ZNF69: variants seen among roughly 807,000 people sequenced by gnomAD.
ZNF69 encodes zinc finger protein 69.
A neutral mutation model predicts 50.9 loss-of-function variants in ZNF69; 47 were observed. The observed-to-expected ratio is 0.92, with a 90% CI of 0.73 to 1.18. The LOEUF is 1.18. Among genes scored for constraint, ZNF69 ranks in the 50% most tolerant of loss-of-function variants. The pLI is 0.00. For synonymous variants in ZNF69, 216 were observed against 223.1 expected, an observed-to-expected ratio of 0.97 and a Z score of 0.29; for missense variants, 717 against 675.1, an observed-to-expected ratio of 1.06 and a Z score of -0.69.
the ZNF69 span, among the ~76,000 whole-genome samples, chr19:11,924,066 G>C: frequency 6.6e-6 from 1 of 152,208 alleles, no homozygotes; most frequent in Non-Finnish European, 1.5e-5. Context: ...TGTACCTCTG[G>C]AGCTGTCTTC....
the ZNF69 span, among the ~76,000 whole-genome samples, chr19:11,919,598 A>G: frequency 1.4e-4 from 22 of 152,244 alleles, no homozygotes; most frequent in Middle Eastern, 3.4e-3. Flanking sequence ...TCTCAAAAAC[A>G]AAACTTATAC....
Position 11,905,944 on chromosome 19 carries a change from G to A in ZNF69, c.1547G>A (p.Ser516Asn), listed in dbSNP as rs1366421848. ...TGCAAGCAATGTGGTGAAGCCTTCAGTAGTTCCAGTTCCTTTCGATACCAT... is the reference window on the plus strand; with the variant it reads ...TGCAAGCAATGTGGTGAAGCCTTCAATAGTTCCAGTTCCTTTCGATACCAT... ...YECKQCGEAF[S>N]SSSSFRYHER... The change falls in exon 4 of 4, where the codon AGT (serine) becomes AAT (asparagine). Residue 516 changes from serine (S) to asparagine (N), a missense_variant. Physicochemically the swap from Ser to Asn is conservative, Grantham distance 46. Transcript: ENST00000429654. The A allele has an allele frequency of 1.2e-6, 2 of 1,613,608 alleles. No individual in the cohort carries two copies. Among genetic ancestry groups the A allele is most frequent in the Middle Eastern group, 1.7e-4 (1 of 6,058 alleles).
chr19:11,957,767 C>A, the ZNF69 span, among the ~76,000 whole-genome samples: 1 of 151,872 alleles, frequency 6.6e-6, no homozygotes, highest in Non-Finnish European at 1.5e-5. Context: ...ATCACTTGAA[C>A]CAGGGAGGCG....
downstream of ZNF69, among the ~76,000 whole-genome samples, chr19:11,909,830 G>A (rs1431916640): frequency 6.6e-6 from 1 of 151,266 alleles, no homozygotes; most frequent in Admixed American, 6.6e-5. Flanking sequence ...GGGCAATCAG[G>A]AAGGACAAAG....
At chr19:11,919,348 T>G in the ZNF69 span, among the ~76,000 whole-genome samples, 2 of 152,214 alleles carry the variant, frequency 1.3e-5, no homozygotes, top group African/African-American at 4.8e-5. Context: ...CACTCCTTTG[T>G]GACTCTTGCT....
At chr19:11,922,059 T>A in the ZNF69 span, among the ~76,000 whole-genome samples, 1 of 151,830 alleles carries the variant, frequency 6.6e-6, no homozygotes, top group African/African-American at 2.4e-5. Flanking sequence ...AAGATAACGA[T>A]GTCCAAATAG....
At chr19:11,953,907 CTG>C in the ZNF69 span, among the ~76,000 whole-genome samples, 8 of 152,088 alleles carry the variant, frequency 5.3e-5, no homozygotes, top group Non-Finnish European at 1.2e-4. Flanking sequence ...TAATATTACT[CTG>C]TGTTGATGTT....
At chr19:11,921,397 A>G in the ZNF69 span, among the ~76,000 whole-genome samples, 1 of 151,976 alleles carries the variant, frequency 6.6e-6, no homozygotes, top group Non-Finnish European at 1.5e-5. Flanking sequence ...TTGAACTCCA[A>G]GGCTCAAGTG....
downstream of ZNF69, among the ~76,000 whole-genome samples, chr19:11,910,205 G>C (rs535849195): frequency 6.6e-6 from 1 of 152,086 alleles, no homozygotes; most frequent in Non-Finnish European, 1.5e-5. Flanking sequence ...TTCCATGCTC[G>C]TGGATAGGAA....
chr19:11,931,086 C>G, the ZNF69 span, among the ~76,000 whole-genome samples: 1 of 148,280 alleles, frequency 6.7e-6, no homozygotes, highest in South Asian at 2.1e-4. Context: ...GTTAATACCA[C>G]TTTCTCTTAA....
rs759902477 is a variant in ZNF69, at chr19:11,904,978, G to C, written c.581G>C (p.Cys194Ser). The change falls in exon 4 of 4, where the codon TGT (cysteine) becomes TCT (serine). Residue 194 changes from cysteine (C) to serine (S), a missense_variant. Coordinates refer to ENST00000429654, the MANE Select transcript of ZNF69 (RefSeq NM_001364730.1). The part of the protein sequence containing the change: ...RDHTGEKPYA[C>S]KECGKTFISH... ...CACACTGGAGAGAAACCCTATGCTT[G>C]TAAAGAATGTGGAAAAACTTTTATT... The C allele has an allele frequency of 1.9e-5, 30 of 1,614,030 alleles. No homozygotes were observed. The Admixed American group carries it at 4.2e-4, about 22-fold the overall frequency.
chr19:11,890,782 G>A (rs1464146688), intron 1 of ZNF69, among the ~76,000 whole-genome samples: 1 of 152,100 alleles, frequency 6.6e-6, no homozygotes, highest in Non-Finnish European at 1.5e-5. Context: ...TTTATTTTTA[G>A]TTTATAGGTT....
At chr19:11,907,769 G>T (rs935901877), downstream of ZNF69, among the ~76,000 whole-genome samples, 1 of 152,128 alleles carries the variant, frequency 6.6e-6, no homozygotes, top group African/African-American at 2.4e-5. Context: ...ATCAACTAAC[G>T]AGCAAAATAA....
intron 1 of ZNF69, among the ~76,000 whole-genome samples, chr19:11,893,224 T>A (rs543545013): frequency 6.6e-6 from 1 of 152,214 alleles, no homozygotes; most frequent in Non-Finnish European, 1.5e-5. Context: ...CCCTATAGAT[T>A]AATAATTTTG....
chr19:11,962,895 G>A, the ZNF69 span, among the ~76,000 whole-genome samples: 1 of 152,058 alleles, frequency 6.6e-6, no homozygotes, highest in Admixed American at 6.6e-5. Context: ...AAGTTTAAAG[G>A]GATGGTTTCA....
At chr19:11,896,200 C>G (rs1343951326) in intron 1 of ZNF69, among the ~76,000 whole-genome samples, 1 of 92,658 alleles carries the variant, frequency 1.1e-5, no homozygotes, top group Non-Finnish European at 2.0e-5. Context: ...GCCTTGGCAA[C>G]AAGGGCGAAA....
At chr19:11,947,669 G>A in the ZNF69 span, 2 of 1,185,562 alleles carry the variant, frequency 1.7e-6, no homozygotes, top group Non-Finnish European at 1.2e-6. Context: ...ACTAAATCCA[G>A]CATCAAATTC....
chr19:11,931,106 A>T, the ZNF69 span, among the ~76,000 whole-genome samples: 2 of 148,222 alleles, frequency 1.3e-5, no homozygotes, highest in Non-Finnish European at 2.9e-5. Flanking sequence ...ATTAGTATAG[A>T]GTACAAAGCT....
chr19:11,963,066 TA>T, the ZNF69 span, among the ~76,000 whole-genome samples: 1 of 110,694 alleles, frequency 9.0e-6, no homozygotes, highest in African/African-American at 8.1e-5. Context: ...TTTCCCCAGG[TA>T]GTTTGGTGAG....
Sources: gnomAD v4.1 joint callset for allele counts (sites outside exome capture counted in the v4.1 genomes callset) on GRCh38, gnomAD v4.1.1 for gene constraint, MANE v1.5 for transcripts, NCBI Gene and HGNC (gene_info 2026-07-23, HGNC 2026-07-21) for gene names.